DOCK3: variants seen among roughly 807,000 people sequenced by gnomAD.
The protein encoded by DOCK3 is dedicator of cytokinesis protein 3.
A neutral mutation model predicts 265.6 loss-of-function variants in DOCK3; 60 were observed. The ratio of observed to expected loss-of-function variants is 0.23; its 90% CI spans 0.18 to 0.28. The LOEUF is 0.28. Among genes scored for constraint, DOCK3 ranks in the 10% least tolerant of loss-of-function variants. The probability of loss-of-function intolerance (pLI) is 1.00; values close to 1 mark genes in which losing one functional copy is unlikely to be tolerated. For synonymous variants in DOCK3, 881 were observed against 938.0 expected, an observed-to-expected ratio of 0.94 and a Z score of 1.11; for missense variants, 1,981 against 2,594.3, an observed-to-expected ratio of 0.76 and a Z score of 5.14.
At chr3:50,761,070 G>A (rs1199066688) in intron 1 of DOCK3, among the ~76,000 whole-genome samples, 1 of 151,012 alleles carries the variant, frequency 6.6e-6, no homozygotes, top group African/African-American at 2.4e-5. Context: ...GTGAGCCACC[G>A]CACCTGGATG....
At chr3:51,138,531 G>A (rs2084910428) in intron 9 of DOCK3, among the ~76,000 whole-genome samples, 1 of 152,114 alleles carries the variant, frequency 6.6e-6, no homozygotes, top group Non-Finnish European at 1.5e-5. Context: ...CATTATTGAG[G>A]AGAAAAAGAG....
At chr3:51,010,203 A>T (rs557514656) in intron 5 of DOCK3, among the ~76,000 whole-genome samples, 2 of 152,260 alleles carry the variant, frequency 1.3e-5, no homozygotes, top group East Asian at 3.9e-4. Flanking sequence ...GATCTGTCCA[A>T]TGTTGACAGT....
chr3:51,249,653 G>A (rs2079083079), intron 22 of DOCK3, among the ~76,000 whole-genome samples: 1 of 124,638 alleles, frequency 8.0e-6, no homozygotes, highest in Admixed American at 7.4e-5. Flanking sequence ...GGAGGTGGGG[G>A]GGGGTCAGCC....
intron 2 of DOCK3, among the ~76,000 whole-genome samples, chr3:50,790,392 G>A (rs2042406773): frequency 6.8e-6 from 1 of 146,348 alleles, no homozygotes; most frequent in Non-Finnish European, 1.5e-5. Context: ...ATTTGCTATT[G>A]TTTTACAGGT....
intron 27 of DOCK3, among the ~76,000 whole-genome samples, chr3:51,303,961 G>C (rs534253190): frequency 2.6e-5 from 4 of 152,194 alleles, no homozygotes; most frequent in Non-Finnish European, 5.9e-5. Flanking sequence ...GTGCTGTGCT[G>C]GGGGGAATCC....
At position 50,791,256 on chromosome 3, in the gene DOCK3, A is replaced by G. The variant is rs535831491; in HGVS notation, c.121+12498A>G. 8.0e-3 allele frequency among the ~76,000 whole-genome samples: 904 copies of G among 112,626 alleles called. 6 individuals carry two copies. Among genetic ancestry groups the G allele is most frequent in the African/African-American group, 0.026 (845 of 31,952 alleles). The allele number at this position is 112,626 out of a possible 152,430, so 73.9% of individuals were successfully genotyped here. A position where few individuals can be genotyped will look rare whatever the true frequency, so the allele number is the denominator to read the frequency against. ...GGGTTTACATTTAAGTGTTAAATCT[A>G]TCTTTTTTTTTTTTTTTTTTTTTTT... On this transcript the variant is annotated intron_variant, in intron 2 of 52. Coordinates refer to ENST00000266037, the MANE Select transcript of DOCK3 (RefSeq NM_004947.5).
At chr3:50,866,906 C>CAGCT (rs2047172304) in intron 3 of DOCK3, among the ~76,000 whole-genome samples, 1 of 152,038 alleles carries the variant, frequency 6.6e-6, no homozygotes, top group Admixed American at 6.6e-5. Flanking sequence ...AGCTAAGAAA[C>CAGCT]AGCTATTCTG....
intron 12 of DOCK3, among the ~76,000 whole-genome samples, chr3:51,200,989 C>A (rs1227736280): frequency 6.6e-6 from 1 of 151,900 alleles, no homozygotes; most frequent in African/African-American, 2.4e-5. Context: ...GATTTTGTCA[C>A]CACCAGGCCT....
intron 5 of DOCK3, among the ~76,000 whole-genome samples, chr3:51,041,162 G>GTGTATATATA (rs1449167574): frequency 9.7e-5 from 3 of 30,878 alleles, no homozygotes; most frequent in African/African-American, 7.6e-5. Flanking sequence ...CTTACAAAAT[G>GTGTATATATA]TATATATATA....
intron 5 of DOCK3, among the ~76,000 whole-genome samples, chr3:51,057,192 C>CT (rs1161048233): frequency 6.6e-6 from 1 of 152,132 alleles, no homozygotes; most frequent in Non-Finnish European, 1.5e-5. Flanking sequence ...AAAACATATT[C>CT]TTTTTTTCTG....
At chr3:50,797,454 G>A (rs1406374316) in intron 2 of DOCK3, among the ~76,000 whole-genome samples, 2 of 152,208 alleles carry the variant, frequency 1.3e-5, no homozygotes, top group Non-Finnish European at 2.9e-5. Flanking sequence ...AGCTGTGTCT[G>A]GTTGGTCATC....
Position 51,089,260 on chromosome 3 carries a change from G to C in DOCK3, c.567G>C (p.Gln189His), listed in dbSNP as rs769279125. The C allele has an allele frequency of 3.1e-6, 5 of 1,609,772 alleles. No homozygotes were observed. Among genetic ancestry groups the C allele is most frequent in the Non-Finnish European group, 4.2e-6 (5 of 1,177,992 alleles). The stretch of plus-strand genomic sequence containing the variant: ...TTCCATAGCATTTATCTAGCCGGCA[G>C]AGTGTACAGCAAAGCACATCCCAGG... ...DLYKMHLSSR[Q>H]SVQQSTSQVD... Residue 189 changes from glutamine to histidine, a missense_variant, in exon 8 of 53, where the codon CAG becomes CAC. Around this residue, in one of 4 missense-constraint regions of DOCK3, gnomAD observed 456 missense variants for 539.0 expected, o/e 0.85. Transcript: ENST00000266037.
intron 2 of DOCK3, among the ~76,000 whole-genome samples, chr3:50,839,701 C>G (rs1435506844): frequency 1.6e-4 from 7 of 44,932 alleles, no homozygotes; most frequent in Middle Eastern, 9.8e-3. Context: ...TTTCTCCCCT[C>G]CCCTCCCCTC....
intron 5 of DOCK3, among the ~76,000 whole-genome samples, chr3:51,053,080 T>TATATATATATAG (rs1559993952): frequency 2.8e-5 from 1 of 35,926 alleles, no homozygotes; most frequent in East Asian, 8.0e-4. Context: ...AAGTCAAAGA[T>TATATATATATAG]ATATATATAT....
intron 2 of DOCK3, among the ~76,000 whole-genome samples, chr3:50,805,554 C>G (rs1405289921): frequency 1.3e-5 from 2 of 152,170 alleles, no homozygotes; most frequent in Non-Finnish European, 2.9e-5. Context: ...CTTAGCTGAC[C>G]TGGGGACATG....
At chr3:51,183,618 T>A (rs1379917570) in intron 12 of DOCK3, among the ~76,000 whole-genome samples, 1 of 152,200 alleles carries the variant, frequency 6.6e-6, no homozygotes, top group Non-Finnish European at 1.5e-5. Context: ...ATGGTCTGAT[T>A]GGGAAAACCA....
chr3:50,821,133 C>CT (rs2044392007), intron 2 of DOCK3, among the ~76,000 whole-genome samples: 4 of 131,248 alleles, frequency 3.0e-5, no homozygotes, highest in Non-Finnish European at 4.9e-5. Flanking sequence ...TTCTTTCTTT[C>CT]TTTTTTCTTT....
intron 9 of DOCK3, among the ~76,000 whole-genome samples, chr3:51,141,268 G>C (rs980096147): frequency 2.9e-5 from 4 of 139,804 alleles, no homozygotes; most frequent in African/African-American, 1.1e-4. Flanking sequence ...TTAAAAGTCA[G>C]ATTTTTGAAA....
intron 3 of DOCK3, among the ~76,000 whole-genome samples, chr3:50,860,392 T>G (rs376684946): frequency 6.6e-6 from 1 of 152,132 alleles, no homozygotes. Context: ...TAGTTGATAG[T>G]TGAGGCTTAG....
Sources: gnomAD v4.1 joint callset for allele counts (sites outside exome capture counted in the v4.1 genomes callset) on GRCh38, gnomAD v4.1.1 for gene constraint, gnomAD v4.1.1 regional missense constraint, MANE v1.5 for transcripts, NCBI Gene and HGNC (gene_info 2026-07-23, HGNC 2026-07-21) for gene names.